Variants in ARHGEF18 observed in about 807,000 individuals in gnomAD.
ARHGEF18 encodes the protein Rho/Rac guanine nucleotide exchange factor 18, also known as rho guanine nucleotide exchange factor 18.
Under a neutral mutation model 155.7 loss-of-function variants are expected in ARHGEF18, and 93 were observed. The observed-to-expected ratio is 0.60, with a 90% CI of 0.50 to 0.71. ARHGEF18 has a LOEUF of 0.71. Ranked by LOEUF, ARHGEF18 falls within the 30% of genes least tolerant of loss-of-function variation. The probability of loss-of-function intolerance (pLI) is 0.00; values close to 1 mark genes in which losing one functional copy is unlikely to be tolerated. For missense variants in ARHGEF18, 1,593 were observed against 1,816.1 expected (o/e 0.88, Z 2.23); for synonymous variants, 742 against 753.1 (o/e 0.99, Z 0.24).
Position 7,419,161 on chromosome 19 carries a change from C to A in ARHGEF18, c.968-21183C>A, listed in dbSNP as rs112166913. 8.3e-3 allele frequency among the ~76,000 whole-genome samples: 948 copies of A among 114,470 alleles called. 243 individuals are homozygous for A. Among genetic ancestry groups the A allele is most frequent in the African/African-American group, 0.044 (730 of 16,768 alleles). 75.1% of individuals were successfully genotyped at this position (114,470 alleles called of 152,430 possible). ...GCCTCTGTACCCCAGATGTACCCAC[C>A]CTCAGCCTCTGTACCCCAGATGTAC... On this transcript the variant is annotated intron_variant, in intron 10 of 28. Coordinates refer to ENST00000668164, the MANE Select transcript of ARHGEF18 (RefSeq NM_001367823.1).
chr19:7,430,252 A>G (rs2145719989), intron 10 of ARHGEF18, among the ~76,000 whole-genome samples: 1 of 152,168 alleles, frequency 6.6e-6, no homozygotes, highest in East Asian at 1.9e-4. Flanking sequence ...CCCAGGCTGG[A>G]GTGCAGTGGC....
chr19:7,376,780 TC>T, intron 5 of ARHGEF18, 23 bp downstream of exon 5: 1 of 1,226,924 alleles, frequency 8.2e-7, no homozygotes, highest in African/African-American at 1.6e-5. Context: ...GGAGTTTCCT[TC>T]ATTCAAACCA....
chr19:7,444,223 G>A lies in ARHGEF18; in HGVS notation c.1380G>A (p.Val460=), dbSNP rs371835624. Residue 460 remains valine, a synonymous_variant, in exon 14 of 29, where the codon GTG becomes GTA. Coordinates refer to ENST00000668164, the MANE Select transcript of ARHGEF18 (RefSeq NM_001367823.1). This position sits in a 1 kb window ranked among gnomAD's most constrained non-coding sequence, Gnocchi z 4.7. The part of the protein sequence containing the change: ...DVLYELMQTE[V]HHVRTLKIML... The stretch of plus-strand genomic sequence containing the variant: ...CTGCAGAGCTGATGCAGACAGAGGT[G>A]CACCACGTGCGGACGCTCAAGATCA... 31 of 1,613,282 alleles carry A rather than the reference G, an allele frequency of 1.9e-5. No individual in the cohort carries two copies. Among genetic ancestry groups the A allele is most frequent in the Non-Finnish European group, 2.5e-5 (30 of 1,179,984 alleles).
chr19:7,471,014 G>A lies in ARHGEF18; in HGVS notation c.*716G>A, dbSNP rs1976991343. 1 of 392,776 alleles carries A rather than the reference G, an allele frequency of 2.5e-6. No individual in the cohort carries two copies. The highest frequency in any genetic ancestry group is 4.5e-6 in the Non-Finnish European group (1 of 222,122). The allele number at this position is 392,776 out of a possible 1,614,324, so 24.3% of individuals were successfully genotyped here. The stretch of plus-strand genomic sequence containing the variant: ...GGCTGACCTTTGCCCCTTTTTACTT[G>A]GCATTGGTTTTGAAACCAGCTGTTT... On this transcript the variant is annotated 3_prime_UTR_variant, in exon 29 of 29. Coordinates refer to ENST00000668164, the MANE Select transcript of ARHGEF18 (RefSeq NM_001367823.1). This position sits in a 1 kb window ranked among gnomAD's most constrained non-coding sequence, Gnocchi z 4.4.
chr19:7,359,578 A>G (rs1354979412), intron 1 of ARHGEF18, among the ~76,000 whole-genome samples: 1 of 152,076 alleles, frequency 6.6e-6, no homozygotes, highest in Non-Finnish European at 1.5e-5. Flanking sequence ...TCAATATATG[A>G]CACCAGGATA....
chr19:7,375,345 A>AAAGAAAAGGAAGGAAGGAAGAAAGG (rs1970396915), intron 3 of ARHGEF18, among the ~76,000 whole-genome samples: 2 of 88,774 alleles, frequency 2.3e-5, no homozygotes, highest in Non-Finnish European at 2.8e-5. Flanking sequence ...GAAGAAAGAA[A>AAAGAAAAGGAAGGAAGGAAGAAAGG]AAGAAAGAAA....
rs973503809 is a variant in ARHGEF18 at position 7,417,533 on chromosome 19, A to T, written c.968-22811A>T. Among the ~76,000 whole-genome samples the T allele has an allele frequency of 5.3e-5, 8 of 152,270 alleles. No homozygotes were observed. In the South Asian group the frequency reaches 1.4e-3, roughly 28 times the overall value. On this transcript the variant is annotated intron_variant, in intron 10 of 28. Coordinates refer to ENST00000668164, the MANE Select transcript of ARHGEF18 (RefSeq NM_001367823.1). ...GCCAACATGGCAAAACCCCATCTCT[A>T]CTAAAAATACAAAAATCAGCCAGAC...
intron 10 of ARHGEF18, among the ~76,000 whole-genome samples, chr19:7,431,113 C>T (rs1383711008): frequency 6.6e-6 from 1 of 151,980 alleles, no homozygotes; most frequent in Non-Finnish European, 1.5e-5. Flanking sequence ...GTGATCGTGC[C>T]TGTGTACTAT....
intron 6 of ARHGEF18, 28 bp downstream of exon 6, chr19:7,378,479 G>A (rs1211515119): frequency 2.4e-6 from 3 of 1,233,620 alleles, no homozygotes; most frequent in Middle Eastern, 2.1e-4. Context: ...GGTGGGGGAG[G>A]GACCCCCAGG....
At chr19:7,478,067 G>A in the ARHGEF18 span, among the ~76,000 whole-genome samples, 10 of 152,210 alleles carry the variant, frequency 6.6e-5, no homozygotes, top group African/African-American at 2.2e-4. Context: ...CATGGCCTTC[G>A]GGAAATTGAT....
chr19:7,387,151 G>GTTGT (rs200443447), intron 10 of ARHGEF18, among the ~76,000 whole-genome samples: 244 of 151,846 alleles, frequency 1.6e-3, no homozygotes, highest in African/African-American at 5.4e-3. Context: ...TGTTGTTGTT[G>GTTGT]TTGTTTGTTT....
At chr19:7,430,288 A>G (rs993179478) in intron 10 of ARHGEF18, among the ~76,000 whole-genome samples, 3 of 152,062 alleles carry the variant, frequency 2.0e-5, no homozygotes, top group African/African-American at 2.4e-5. Flanking sequence ...TGCAGCCTCA[A>G]GGTCCCAGGC....
At chr19:7,446,911 A>G (rs1975033066) in intron 14 of ARHGEF18, 132 bp from the exon 15 acceptor site, 2 of 856,910 alleles carry the variant, frequency 2.3e-6, no homozygotes, top group Admixed American at 3.9e-5. Context: ...AAAAAAAAAA[A>G]GAAGAAGAAA....
intron 10 of ARHGEF18, among the ~76,000 whole-genome samples, chr19:7,410,626 AC>A (rs1320131954): frequency 6.6e-6 from 1 of 151,874 alleles, no homozygotes; most frequent in Non-Finnish European, 1.5e-5. Flanking sequence ...CCTGGCCAAC[AC>A]GGTAAAACCC....
intron 10 of ARHGEF18, among the ~76,000 whole-genome samples, chr19:7,426,580 G>C (rs1439418492): frequency 6.6e-6 from 1 of 151,870 alleles, no homozygotes; most frequent in Non-Finnish European, 1.5e-5. Context: ...TAGTGATTTG[G>C]GCACCAGAAT....
intron 10 of ARHGEF18, among the ~76,000 whole-genome samples, chr19:7,429,540 T>A (rs1973844887): frequency 6.6e-6 from 1 of 151,804 alleles, no homozygotes; most frequent in African/African-American, 2.4e-5. Context: ...GAGGCGGAGG[T>A]TGCAGTGAGC....
rs375687124 is a variant in ARHGEF18 at position 7,464,675 on chromosome 19, G to C, written c.2889G>C (p.Glu963Asp). 2 of 1,614,040 alleles carry C rather than the reference G, an allele frequency of 1.2e-6. No individual in the cohort carries two copies. The highest frequency in any genetic ancestry group is 1.7e-6 in the Non-Finnish European group (2 of 1,179,996). Residue 963 changes from glutamate (E) to aspartate (D), a missense_variant, in exon 23 of 29, where the codon GAG becomes GAC. Physicochemically the swap from Glu to Asp is conservative, Grantham distance 45 (BLOSUM62 2). Transcript: ENST00000668164. ...LSDSDIPGSSEESPQVVEAPG... is the reference protein window; with the variant it reads ...LSDSDIPGSSDESPQVVEAPG... ...ACAGTGACATTCCTGGGAGCTCTGA[G>C]GAATCGCCGCAGGTGGTACGTGGAT...
chr19:7,349,125 T>A lies in ARHGEF18; in HGVS notation c.-227T>A, dbSNP rs1969098747. On this transcript the variant is annotated 5_prime_UTR_variant, in exon 1 of 29. Coordinates refer to ENST00000668164, the MANE Select transcript of ARHGEF18 (RefSeq NM_001367823.1). ...GGGTCATTCTGTGGTTATCCCAGGC[T>A]CTACCCAGCCAGCGGTTCCCTTGGG... 1 of 152,290 alleles carries A rather than the reference T, an allele frequency of 6.6e-6. No individual in the cohort carries two copies. The highest frequency in any genetic ancestry group is 6.5e-5 in the Admixed American group (1 of 15,284). The allele number at this position is 152,290 out of a possible 1,614,324, so 9.4% of individuals were successfully genotyped here.
intron 26 of ARHGEF18, 132 bp from the exon 27 acceptor site, chr19:7,468,693 C>A: frequency 9.9e-7 from 1 of 1,013,718 alleles, no homozygotes; most frequent in Non-Finnish European, 1.4e-6. Flanking sequence ...TGACCAGCAG[C>A]TCCTTCAGGC....
Sources: allele counts gnomAD v4.1 joint callset (sites outside exome capture counted in the v4.1 genomes callset), GRCh38; gene constraint gnomAD v4.1.1; non-coding constraint Gnocchi (gnomAD v3.1); transcripts MANE v1.5; gene names NCBI Gene and HGNC (gene_info 2026-07-23, HGNC 2026-07-21).